Variants in WDR70 observed in about 807,000 individuals in gnomAD.
WDR70 encodes WD repeat domain 70, also known as WD repeat-containing protein 70.
In WDR70, 53 loss-of-function variants were observed where a neutral mutation model predicts 88.6. That is an observed-to-expected ratio of 0.60 (90% CI 0.48 to 0.75). WDR70 has a LOEUF of 0.75. Among genes scored for constraint, WDR70 ranks in the 30% least tolerant of loss-of-function variants. The pLI is 0.00. For synonymous variants in WDR70, 280 were observed against 270.0 expected (o/e 1.04, Z -0.36); for missense variants, 610 against 823.2 (o/e 0.74, Z 3.17).
chr5:37,438,915 T>G (rs1042680527), intron 6 of WDR70, among the ~76,000 whole-genome samples: 2 of 151,060 alleles, frequency 1.3e-5, no homozygotes, highest in African/African-American at 4.9e-5. Flanking sequence ...TTCGTTTTTT[T>G]TTTTGTTTTG....
At chr5:37,717,091 C>T (rs960003871) in intron 13 of WDR70, among the ~76,000 whole-genome samples, 4 of 152,078 alleles carry the variant, frequency 2.6e-5, no homozygotes, top group Non-Finnish European at 5.9e-5. Flanking sequence ...TGTGGTTACC[C>T]TCCACTACCA....
intron 3 of WDR70, among the ~76,000 whole-genome samples, chr5:37,388,782 G>A (rs1019881086): frequency 6.6e-6 from 1 of 150,860 alleles, no homozygotes; most frequent in Non-Finnish European, 1.5e-5. Context: ...AAAGAGGGAG[G>A]ACTGGCATGG....
chr5:37,657,270 C>T (rs1745580447), intron 10 of WDR70, among the ~76,000 whole-genome samples: 1 of 152,170 alleles, frequency 6.6e-6, no homozygotes, highest in African/African-American at 2.4e-5. Flanking sequence ...ATCCCTTGTG[C>T]TTCCCGGGTG....
chr5:37,734,627 G>T (rs181570931), intron 17 of WDR70, among the ~76,000 whole-genome samples: 2 of 152,144 alleles, frequency 1.3e-5, no homozygotes, highest in Admixed American at 1.3e-4. Context: ...ATAAAAGGGG[G>T]ACATAGAGTA....
chr5:37,723,680 CAT>C (rs1414413694), intron 15 of WDR70: 4 of 152,238 alleles, frequency 2.6e-5, no homozygotes, highest in Non-Finnish European at 5.9e-5. Context: ...TGGTGGGTCT[CAT>C]ATGAGACCAA....
intron 8 of WDR70, among the ~76,000 whole-genome samples, chr5:37,491,129 A>G (rs1740056492): frequency 6.6e-6 from 1 of 152,126 alleles, no homozygotes; most frequent in South Asian, 2.1e-4. Flanking sequence ...GCAGGTATCT[A>G]CAGGGAGAAT....
intron 9 of WDR70, among the ~76,000 whole-genome samples, chr5:37,571,190 C>T (rs1201719869): frequency 6.6e-6 from 1 of 152,186 alleles, no homozygotes; most frequent in Non-Finnish European, 1.5e-5. Flanking sequence ...CACTTCAAAA[C>T]CGAAATTTCT....
At chr5:37,514,336 C>CTA (rs1385732925) in intron 8 of WDR70, among the ~76,000 whole-genome samples, 1 of 10,944 alleles carries the variant, frequency 9.1e-5, no homozygotes, top group African/African-American at 1.1e-4. Flanking sequence ...ATATTTAGAA[C>CTA]TACATATATA....
intron 7 of WDR70, among the ~76,000 whole-genome samples, chr5:37,446,719 G>T (rs551394898): frequency 2.0e-4 from 30 of 152,264 alleles, no homozygotes; most frequent in South Asian, 6.2e-4. Flanking sequence ...AATGGTGCTG[G>T]GAAAACTGGC....
chr5:37,729,938 T>C (rs1748096507), intron 17 of WDR70, among the ~76,000 whole-genome samples: 1 of 152,172 alleles, frequency 6.6e-6, no homozygotes, highest in South Asian at 2.1e-4. Context: ...ATAATCTTTT[T>C]AGTTCCTGGT....
rs149469096 is a variant in WDR70, at chr5:37,631,353, A to G, written c.1092+26115A>G. 6.0e-3 allele frequency among the ~76,000 whole-genome samples: 908 copies of G among 152,234 alleles called. 34 individuals carry two copies. Among genetic ancestry groups the G allele is most frequent in the Admixed American group, 0.053 (813 of 15,282 alleles). ...AGGCAGTTAGCTTTATTGTAATTTG[A>G]TATATAGAGCTTGACCAGATAATTC... On this transcript the variant is annotated intron_variant, in intron 10 of 17. Transcript: ENST00000265107.
rs1300102891 is a variant in WDR70, at chr5:37,669,386, A to G, written c.1093-28269A>G. ...GGGAAAACATCTTGACCTGGAACATAATTATCTTTTTTTTAAAAAAAAAAA... is the reference window on the plus strand; with the variant it reads ...GGGAAAACATCTTGACCTGGAACATGATTATCTTTTTTTTAAAAAAAAAAA... On this transcript the variant is annotated intron_variant, in intron 10 of 17. Transcript: ENST00000265107. 2.8e-5 allele frequency among the ~76,000 whole-genome samples: 3 copies of G among 107,728 alleles called. No individual in the cohort carries two copies. The East Asian group carries it at 8.1e-4, about 29-fold the overall frequency. 70.7% of individuals were successfully genotyped at this position (107,728 alleles called of 152,430 possible).
chr5:37,659,115 G>A (rs1745632478), intron 10 of WDR70, among the ~76,000 whole-genome samples: 1 of 152,096 alleles, frequency 6.6e-6, no homozygotes, highest in Non-Finnish European at 1.5e-5. Context: ...AAAATGATTT[G>A]CAAGAATGTT....
At chr5:37,638,904 T>A (rs1002349754) in intron 10 of WDR70, among the ~76,000 whole-genome samples, 1 of 152,198 alleles carries the variant, frequency 6.6e-6, no homozygotes, top group Non-Finnish European at 1.5e-5. Context: ...GCTTCAATTA[T>A]CTTTAGGTAT....
At chr5:37,698,654 A>T (rs1404270632) in intron 11 of WDR70, among the ~76,000 whole-genome samples, 1 of 152,180 alleles carries the variant, frequency 6.6e-6, no homozygotes, top group Non-Finnish European at 1.5e-5. Context: ...TGTAAACCTT[A>T]AACATCATAG....
chr5:37,697,616 G>T, intron 10 of WDR70, 39 bp from the exon 11 acceptor site: 2 of 1,532,670 alleles, frequency 1.3e-6, no homozygotes, highest in South Asian at 1.1e-5. Flanking sequence ...CTTCTGAATT[G>T]AGGTGAGATA....
chr5:37,382,346 C>G (rs917263916), intron 3 of WDR70, among the ~76,000 whole-genome samples: 4 of 151,324 alleles, frequency 2.6e-5, no homozygotes, highest in Admixed American at 6.6e-5. Context: ...GATCTGCCTA[C>G]CTTGGCCTCC....
intron 8 of WDR70, among the ~76,000 whole-genome samples, chr5:37,493,186 G>A (rs1740117767): frequency 6.6e-6 from 1 of 152,078 alleles, no homozygotes; most frequent in South Asian, 2.1e-4. Flanking sequence ...CAGGGACTTA[G>A]GACACCCCCA....
At chr5:37,401,567 T>A (rs1749195836) in intron 5 of WDR70, among the ~76,000 whole-genome samples, 1 of 152,092 alleles carries the variant, frequency 6.6e-6, no homozygotes, top group Non-Finnish European at 1.5e-5. Context: ...TCCACCTACC[T>A]TGGCCTCCCA....
Sources: allele counts gnomAD v4.1 joint callset (sites outside exome capture counted in the v4.1 genomes callset), GRCh38; gene constraint gnomAD v4.1.1; transcripts MANE v1.5; gene names NCBI Gene and HGNC (gene_info 2026-07-23, HGNC 2026-07-21).